The following PLCB1 variants were observed in gnomAD, a reference collection of about 807,000 sequenced individuals.
PLCB1 encodes phospholipase C beta 1.
PLCB1 carries 46 observed loss-of-function variants against 161.8 expected under a neutral mutation model. That is an observed-to-expected ratio of 0.28 (90% CI 0.22 to 0.36). The LOEUF (loss-of-function observed/expected upper bound fraction) is 0.36. PLCB1 is among the 10% of genes least tolerant of loss of function. The probability of loss-of-function intolerance (pLI) is 1.00; values close to 1 mark genes in which losing one functional copy is unlikely to be tolerated. For synonymous variants in PLCB1, 517 were observed against 503.7 expected, an observed-to-expected ratio of 1.03 and a Z score of -0.35; for missense variants, 1,016 against 1,472.5, an observed-to-expected ratio of 0.69 and a Z score of 5.07.
intron 23 of PLCB1, among the ~76,000 whole-genome samples, chr20:8,753,293 T>C (rs1404955298): frequency 6.6e-6 from 1 of 152,156 alleles, no homozygotes; most frequent in Non-Finnish European, 1.5e-5. Flanking sequence ...ACTTGAGTCA[T>C]ACTGAAACCA....
At chr20:8,184,792 T>C (rs200765515) in intron 2 of PLCB1, among the ~76,000 whole-genome samples, 26,045 of 147,910 alleles carry the variant, frequency 0.18, 2,688 homozygotes, top group Middle Eastern at 0.34. Flanking sequence ...TTATTATTAT[T>C]ATTATTATTA....
At chr20:8,496,616 A>G (rs1983184486) in intron 3 of PLCB1, among the ~76,000 whole-genome samples, 1 of 152,212 alleles carries the variant, frequency 6.6e-6, no homozygotes, top group Non-Finnish European at 1.5e-5. Context: ...CATACTTTAA[A>G]GCCATTGATG....
chr20:8,264,116 T>A (rs999408387), intron 2 of PLCB1, among the ~76,000 whole-genome samples: 2 of 152,196 alleles, frequency 1.3e-5, no homozygotes, highest in Admixed American at 6.5e-5. Flanking sequence ...ACAGACTTAT[T>A]CTATAAGTTT....
intron 2 of PLCB1, among the ~76,000 whole-genome samples, chr20:8,237,146 T>C (rs1023558535): frequency 2.6e-5 from 4 of 152,056 alleles, no homozygotes; most frequent in African/African-American, 7.2e-5. Flanking sequence ...ATAATGAAAG[T>C]AGGCAGACAT....
At chr20:8,875,500 A>G (rs1287717250) in intron 31 of PLCB1, among the ~76,000 whole-genome samples, 2 of 66,090 alleles carry the variant, frequency 3.0e-5, no homozygotes, top group Non-Finnish European at 6.4e-5. Flanking sequence ...TATATAACAT[A>G]TAAAATATTT....
rs117156345 is a variant in PLCB1, at chr20:8,769,568, A to G, written c.2930+4210A>G. 9.2e-5 allele frequency among the ~76,000 whole-genome samples: 14 copies of G among 152,354 alleles called. No individual in the cohort carries two copies. The East Asian group carries it at 2.7e-3, about 29-fold the overall frequency. ...CCAAAGATAATCCAACGACCTTCAC[A>G]GCTCTAGGAAATCTTATGTAGAATT... On this transcript the variant is annotated intron_variant, in intron 26 of 31. Transcript: ENST00000338037.
At chr20:8,158,619 A>C (rs2051587465) in intron 2 of PLCB1, among the ~76,000 whole-genome samples, 1 of 152,210 alleles carries the variant, frequency 6.6e-6, no homozygotes, top group Non-Finnish European at 1.5e-5. Flanking sequence ...CCCAAGTCTA[A>C]TCCGAGATAA....
intron 27 of PLCB1, among the ~76,000 whole-genome samples, chr20:8,777,280 G>A (rs907818828): frequency 3.3e-5 from 5 of 152,134 alleles, no homozygotes; most frequent in Admixed American, 6.5e-5. Context: ...CTCCGGGGCT[G>A]TGCTTCCCAG....
chr20:8,644,313 C>T (rs910917200), intron 4 of PLCB1, among the ~76,000 whole-genome samples: 1 of 148,460 alleles, frequency 6.7e-6, no homozygotes, highest in East Asian at 2.0e-4. Flanking sequence ...AAGTGAGGAG[C>T]GTCTCTGCCC....
chr20:8,725,796 A>G (rs1270995092), intron 16 of PLCB1, among the ~76,000 whole-genome samples: 1 of 152,144 alleles, frequency 6.6e-6, no homozygotes, highest in African/African-American at 2.4e-5. Flanking sequence ...CAAGTGTGAG[A>G]AAGAGCCAAT....
At chr20:8,699,006 G>A (rs1412806429) in intron 11 of PLCB1, among the ~76,000 whole-genome samples, 1 of 152,194 alleles carries the variant, frequency 6.6e-6, no homozygotes, top group Non-Finnish European at 1.5e-5. Context: ...CCAGGGGGTA[G>A]GGGCCATTGG....
chr20:8,308,583 C>T (rs150756427), intron 2 of PLCB1, among the ~76,000 whole-genome samples: 1 of 145,100 alleles, frequency 6.9e-6, no homozygotes, highest in East Asian at 2.1e-4. Context: ...TGCCACTGCG[C>T]TGCAGTCTGG....
At chr20:8,192,938 G>A (rs1334568260) in intron 2 of PLCB1, among the ~76,000 whole-genome samples, 1 of 151,936 alleles carries the variant, frequency 6.6e-6, no homozygotes, top group Non-Finnish European at 1.5e-5. Flanking sequence ...AGAACAGGAT[G>A]TACATAATGA....
intron 3 of PLCB1, among the ~76,000 whole-genome samples, chr20:8,569,765 T>C (rs1462212268): frequency 6.6e-6 from 1 of 152,174 alleles, no homozygotes; most frequent in Admixed American, 6.5e-5. Flanking sequence ...AAAGTATACA[T>C]GCATTCCAGT....
intron 18 of PLCB1, 24 bp from the exon 19 acceptor site, chr20:8,733,214 A>G: frequency 6.2e-7 from 1 of 1,611,260 alleles, no homozygotes; most frequent in South Asian, 1.1e-5. Context: ...AACTCACAAT[A>G]AGGCTTGTGT....
intron 3 of PLCB1, among the ~76,000 whole-genome samples, chr20:8,617,731 T>C (rs941248043): frequency 6.6e-6 from 1 of 152,214 alleles, no homozygotes; most frequent in Admixed American, 6.5e-5. Flanking sequence ...TACTAGGAAA[T>C]CTTAGGTCGA....
At chr20:8,644,674 C>T (rs1165248422) in intron 4 of PLCB1, among the ~76,000 whole-genome samples, 2 of 151,862 alleles carry the variant, frequency 1.3e-5, no homozygotes, top group African/African-American at 2.4e-5. Flanking sequence ...AGCGTCTCCG[C>T]CCGGCAGCCG....
At chr20:8,460,480 CA>C (rs1323310396) in intron 3 of PLCB1, among the ~76,000 whole-genome samples, 1 of 152,190 alleles carries the variant, frequency 6.6e-6, no homozygotes, top group Admixed American at 6.5e-5. Flanking sequence ...TATCAAAACA[CA>C]AGGTGAATGC....
intron 3 of PLCB1, among the ~76,000 whole-genome samples, chr20:8,390,279 C>G (rs537449676): frequency 6.6e-6 from 1 of 152,148 alleles, no homozygotes; most frequent in Admixed American, 6.6e-5. Context: ...CTGCCTTCCC[C>G]GCATCTTCAC....
Sources: allele counts gnomAD v4.1 joint callset (sites outside exome capture counted in the v4.1 genomes callset), GRCh38; gene constraint gnomAD v4.1.1; transcripts MANE v1.5; gene names NCBI Gene and HGNC (gene_info 2026-07-23, HGNC 2026-07-21).